The following PRKN variants were observed in gnomAD, a reference collection of about 807,000 sequenced individuals.
PRKN encodes the protein parkin RBR E3 ubiquitin protein ligase.
Under a neutral mutation model 59.5 loss-of-function variants are expected in PRKN, and 56 were observed. The ratio of observed to expected loss-of-function variants is 0.94; its 90% CI spans 0.76 to 1.18. PRKN has a LOEUF of 1.18. Ranked by LOEUF, PRKN falls within the 50% of genes most tolerant of loss-of-function variation. The probability of loss-of-function intolerance (pLI) is 0.00; values close to 1 mark genes in which losing one functional copy is unlikely to be tolerated. For missense variants in PRKN, 657 were observed against 596.4 expected, an observed-to-expected ratio of 1.10 and a Z score of -1.06; for synonymous variants, 250 against 222.1, an observed-to-expected ratio of 1.13 and a Z score of -1.12.
At chr6:162,464,151 AAATC>A (rs1379973691) in intron 1 of PRKN, among the ~76,000 whole-genome samples, 3 of 152,210 alleles carry the variant, frequency 2.0e-5, no homozygotes, top group Admixed American at 6.5e-5. Context: ...AGCTTAGAAG[AAATC>A]AATCATTGTT....
At chr6:162,546,004 GCA>G (rs1467971916) in intron 1 of PRKN, among the ~76,000 whole-genome samples, 29 of 151,684 alleles carry the variant, frequency 1.9e-4, no homozygotes, top group African/African-American at 6.6e-4. Flanking sequence ...ATCTTCTATG[GCA>G]CACAAGAAGC....
intron 1 of PRKN, among the ~76,000 whole-genome samples, chr6:162,541,424 G>A (rs1778922715): frequency 6.6e-6 from 1 of 152,216 alleles, no homozygotes; most frequent in African/African-American, 2.4e-5. Flanking sequence ...AGAGGCCAGT[G>A]AGAAAAGGGC....
chr6:162,178,015 A>C (rs1432370901), intron 4 of PRKN, among the ~76,000 whole-genome samples: 1 of 152,176 alleles, frequency 6.6e-6, no homozygotes, highest in African/African-American at 2.4e-5. Flanking sequence ...AAAAAATGCG[A>C]TTAGGATTCT....
At chr6:161,990,489 T>C (rs1781603890) in intron 5 of PRKN, among the ~76,000 whole-genome samples, 1 of 152,024 alleles carries the variant, frequency 6.6e-6, no homozygotes, top group Admixed American at 6.6e-5. Context: ...AGAACACAAA[T>C]AAAAGATACG....
At position 161,349,841 on chromosome 6, in the gene PRKN, G is replaced by A. The variant is rs1784447591; in HGVS notation, c.*258C>T. 5.4e-6 allele frequency: 3 copies of A among 557,422 alleles called. No homozygotes were observed. Among genetic ancestry groups the A allele is most frequent in the South Asian group, 2.0e-5 (1 of 49,902 alleles). 34.5% of individuals were successfully genotyped at this position (557,422 alleles called of 1,614,324 possible). On this transcript the variant is annotated 3_prime_UTR_variant, in exon 12 of 12. Transcript: ENST00000366898. The surrounding 1 kb of genome is among the most constrained non-coding windows in gnomAD (Gnocchi z 5.5). Reference sequence around the variant, plus strand: ...TGTTGGTGGTGTCGCAGATGGCTCTGCTGTCTTGTGTGGACAAACTGAAAG... The same window carrying A: ...TGTTGGTGGTGTCGCAGATGGCTCTACTGTCTTGTGTGGACAAACTGAAAG...
chr6:162,598,601 C>T (rs1444881818), intron 1 of PRKN, among the ~76,000 whole-genome samples: 1 of 151,880 alleles, frequency 6.6e-6, no homozygotes, highest in Non-Finnish European at 1.5e-5. Flanking sequence ...GCCTGTAAAC[C>T]CAGAACTTTG....
chr6:161,873,130 T>C (rs9458402), intron 6 of PRKN, among the ~76,000 whole-genome samples: 90,895 of 151,014 alleles, frequency 0.6, 28,497 homozygotes, highest in Middle Eastern at 0.7. Flanking sequence ...AATGAATCTG[T>C]GCTGAGTCCC....
chr6:162,453,287 G>T (rs151087245), intron 1 of PRKN, among the ~76,000 whole-genome samples: 1 of 152,178 alleles, frequency 6.6e-6, no homozygotes, highest in Non-Finnish European at 1.5e-5. Context: ...GTTCTTTGAC[G>T]AGGGTGTATC....
intron 4 of PRKN, among the ~76,000 whole-genome samples, chr6:162,199,391 G>A (rs1784628418): frequency 6.6e-6 from 1 of 152,174 alleles, no homozygotes; most frequent in African/African-American, 2.4e-5. Context: ...TTAACTGAGA[G>A]TGTTCTTATG....
At chr6:161,464,537 C>A (rs148283399) in intron 9 of PRKN, among the ~76,000 whole-genome samples, 1 of 152,060 alleles carries the variant, frequency 6.6e-6, no homozygotes, top group Non-Finnish European at 1.5e-5. Flanking sequence ...TATTTTATAA[C>A]CTTTCCATGT....
chr6:162,711,449 T>C (rs1417425076), intron 1 of PRKN, among the ~76,000 whole-genome samples: 1 of 148,378 alleles, frequency 6.7e-6, no homozygotes, highest in Non-Finnish European at 1.5e-5. Context: ...GGAAAAGTCA[T>C]GTGGACATGG....
At position 161,802,137 on chromosome 6, in the gene PRKN, G is replaced by A. The variant is rs77434041; in HGVS notation, c.735-16229C>T. 4.3e-3 allele frequency among the ~76,000 whole-genome samples: 659 copies of A among 152,184 alleles called. 4 individuals are homozygous for A. The highest frequency in any genetic ancestry group is 0.015 in the African/African-American group (622 of 41,502). On this transcript the variant is annotated intron_variant, in intron 6 of 11. Coordinates refer to ENST00000366898, the MANE Select transcript of PRKN (RefSeq NM_004562.3). Reference sequence around the variant, plus strand: ...TCAATCTCAGCAAAGGCTCATTGGAGGAAGAGTCATTATTCTCCAAACAGC... The same window carrying A: ...TCAATCTCAGCAAAGGCTCATTGGAAGAAGAGTCATTATTCTCCAAACAGC...
At chr6:161,953,634 C>A (rs941814322) in intron 6 of PRKN, among the ~76,000 whole-genome samples, 1 of 152,084 alleles carries the variant, frequency 6.6e-6, no homozygotes, top group Non-Finnish European at 1.5e-5. Flanking sequence ...GCAGGTACTG[C>A]TGCAAAGAGG....
intron 6 of PRKN, among the ~76,000 whole-genome samples, chr6:161,910,861 T>C (rs564380995): frequency 7.9e-5 from 12 of 152,340 alleles, no homozygotes; most frequent in Admixed American, 4.6e-4. Context: ...AGATTATGAC[T>C]TGCTGAAGGC....
At chr6:161,718,665 A>C (rs1207053496) in intron 7 of PRKN, among the ~76,000 whole-genome samples, 1 of 152,092 alleles carries the variant, frequency 6.6e-6, no homozygotes, top group Admixed American at 6.5e-5. Flanking sequence ...CCTGCCAGTA[A>C]GGCTGCACCC....
intron 9 of PRKN, among the ~76,000 whole-genome samples, chr6:161,434,989 A>G (rs1788814523): frequency 6.6e-6 from 1 of 152,160 alleles, no homozygotes; most frequent in Admixed American, 6.5e-5. Context: ...AAATTTACTG[A>G]AAGCCTTTGC....
At chr6:162,456,838 C>T (rs969397370) in intron 1 of PRKN, among the ~76,000 whole-genome samples, 3 of 152,116 alleles carry the variant, frequency 2.0e-5, no homozygotes, top group African/African-American at 7.2e-5. Context: ...AATGCCTTAA[C>T]TAGGTTTCTA....
At chr6:161,874,055 T>G in intron 6 of PRKN, among the ~76,000 whole-genome samples, 1 of 62,948 alleles carries the variant, frequency 1.6e-5, no homozygotes, top group African/African-American at 5.3e-5. Context: ...ATATGTAAAA[T>G]ATAATATATA....
intron 6 of PRKN, among the ~76,000 whole-genome samples, chr6:161,939,910 T>C (rs1226444847): frequency 6.6e-6 from 1 of 152,144 alleles, no homozygotes; most frequent in Non-Finnish European, 1.5e-5. Flanking sequence ...TTCTCTTTTT[T>C]TTTTTGAGAC....
Sources: allele counts gnomAD v4.1 joint callset (sites outside exome capture counted in the v4.1 genomes callset), GRCh38; gene constraint gnomAD v4.1.1; non-coding constraint Gnocchi (gnomAD v3.1); transcripts MANE v1.5; gene names NCBI Gene and HGNC (gene_info 2026-07-23, HGNC 2026-07-21).